Variants in NBAS observed in about 807,000 individuals in gnomAD.
NBAS encodes NAG/BC035112 fusion.
A neutral mutation model predicts 302.5 loss-of-function variants in NBAS; 219 were observed. The observed-to-expected ratio is 0.72, with a 90% confidence interval of 0.65 to 0.81. The LOEUF (loss-of-function observed/expected upper bound fraction) is 0.81, where lower values mean the gene tolerates loss of function less well. Among genes scored for constraint, NBAS ranks in the 30% least tolerant of loss-of-function variants. NBAS has a pLI of 0.00. For missense variants in NBAS, 2,932 were observed against 2,841.6 expected (o/e 1.03, Z -0.72); for synonymous variants, 1,118 against 1,021.6 (o/e 1.09, Z -1.80).
At position 15,478,248 on chromosome 2, in the gene NBAS, A is replaced by G. The variant is rs1368890356; in HGVS notation, c.1125T>C (p.Thr375=). 5 of 1,610,634 alleles carry G rather than the reference A, an allele frequency of 3.1e-6. No individual in the cohort carries two copies. Among genetic ancestry groups the G allele is most frequent in the Non-Finnish European group, 4.2e-6 (5 of 1,177,160 alleles). ...CACCTTTGATTTTTTTTCTCTTCTCAGTAGAGAGCCTCCAATCAGGATTAA... is the reference window on the plus strand; with the variant it reads ...CACCTTTGATTTTTTTTCTCTTCTCGGTAGAGAGCCTCCAATCAGGATTAA... The part of the protein sequence containing the change: ...DDLNPDWRLS[T]EKRKKIKDKE... The change falls in exon 13 of 52, where the codon ACT becomes ACC. Residue 375 remains threonine (T), a synonymous_variant. Coordinates refer to ENST00000281513, the MANE Select transcript of NBAS (RefSeq NM_015909.4).
At chr2:15,202,690 T>C (rs920861873) in intron 48 of NBAS, among the ~76,000 whole-genome samples, 1 of 152,068 alleles carries the variant, frequency 6.6e-6, no homozygotes, top group Admixed American at 6.6e-5. Flanking sequence ...CAGGCACCTG[T>C]TACCACGCTG....
At chr2:14,799,290 C>T in the NBAS span, among the ~76,000 whole-genome samples, 1 of 151,976 alleles carries the variant, frequency 6.6e-6, no homozygotes, top group South Asian at 2.1e-4. Flanking sequence ...ACTTTGTTTT[C>T]CCTTTTGATT....
At chr2:15,060,481 G>A in the NBAS span, among the ~76,000 whole-genome samples, 4 of 152,124 alleles carry the variant, frequency 2.6e-5, no homozygotes, top group Non-Finnish European at 5.9e-5. Context: ...GGCATGCTGA[G>A]CCCCTGTTTA....
chr2:15,416,155 CAAAG>C (rs1676924070), intron 24 of NBAS, among the ~76,000 whole-genome samples: 1 of 151,864 alleles, frequency 6.6e-6, no homozygotes, highest in South Asian at 2.1e-4. Flanking sequence ...CTTAGACCAA[CAAAG>C]AGTGAATAAA....
At chr2:15,439,705 T>C (rs149204367) in intron 21 of NBAS, among the ~76,000 whole-genome samples, 3 of 152,140 alleles carry the variant, frequency 2.0e-5, no homozygotes, top group East Asian at 1.9e-4. Context: ...GGGCGAGGCA[T>C]TGCCTCACTC....
At chr2:15,357,467 C>G (rs1369175781) in intron 32 of NBAS, among the ~76,000 whole-genome samples, 2 of 152,166 alleles carry the variant, frequency 1.3e-5, no homozygotes, top group Non-Finnish European at 2.9e-5. Context: ...ATTTCTCTCT[C>G]TTACTGCAAA....
the NBAS span, among the ~76,000 whole-genome samples, chr2:14,819,344 T>G: frequency 3.2e-4 from 48 of 152,338 alleles, no homozygotes; most frequent in South Asian, 9.7e-3. Flanking sequence ...GTGTTACAGC[T>G]GGCATAGCTG....
At chr2:15,515,552 C>CA (rs1184109048) in intron 9 of NBAS, among the ~76,000 whole-genome samples, 3 of 152,154 alleles carry the variant, frequency 2.0e-5, no homozygotes, top group Non-Finnish European at 4.4e-5. Flanking sequence ...CAAGGGGTAT[C>CA]AACCCCAATT....
the NBAS span, among the ~76,000 whole-genome samples, chr2:14,861,335 G>A: frequency 2.0e-3 from 301 of 152,292 alleles, 2 homozygotes; most frequent in African/African-American, 6.8e-3. Flanking sequence ...TTCAGGGAAG[G>A]GTAGTGCATT....
intron 20 of NBAS, 40 bp downstream of exon 20, chr2:15,461,647 T>C: frequency 8.5e-7 from 1 of 1,183,278 alleles, no homozygotes; most frequent in Non-Finnish European, 1.3e-6. Flanking sequence ...TTAGAGAGTG[T>C]TAATAACCAT....
intron 11 of NBAS, among the ~76,000 whole-genome samples, chr2:15,492,927 T>C (rs1017963529): frequency 6.6e-6 from 1 of 152,192 alleles, no homozygotes; most frequent in Non-Finnish European, 1.5e-5. Context: ...TGAGTGTCTG[T>C]TGGTGAGTAA....
At chr2:14,920,529 TTAGA>T in the NBAS span, among the ~76,000 whole-genome samples, 2 of 152,194 alleles carry the variant, frequency 1.3e-5, no homozygotes, top group Non-Finnish European at 2.9e-5. Context: ...TAGGAAAGTC[TTAGA>T]TAGTATCATT....
chr2:15,477,505 C>A (rs1680243130), intron 13 of NBAS, among the ~76,000 whole-genome samples: 1 of 152,210 alleles, frequency 6.6e-6, no homozygotes, highest in Non-Finnish European at 1.5e-5. Context: ...GGGTGATCCA[C>A]CTGCCTTGGC....
rs538947378 is a variant in NBAS at position 15,458,105 on chromosome 2, T to C, written c.2339+3096A>G. ...CTGGGATCTGAACATAAGGAAGAGA[T>C]GGTCTCTGTCTTTAAGAGTTACTCG... On this transcript the variant is annotated intron_variant, in intron 21 of 51. Transcript: ENST00000281513. 4.6e-5 allele frequency among the ~76,000 whole-genome samples: 7 copies of C among 152,292 alleles called. No individual in the cohort carries two copies. In the East Asian group the frequency reaches 1.2e-3, roughly 25 times the overall value.
chr2:15,088,460 A>T, the NBAS span, among the ~76,000 whole-genome samples: 3 of 152,192 alleles, frequency 2.0e-5, no homozygotes, highest in African/African-American at 7.2e-5. Context: ...GTGGAGAAAA[A>T]GGAGACAAAT....
intron 1 of NBAS, 83 bp downstream of exon 1, chr2:15,561,105 C>T (rs1210437392): frequency 4.8e-6 from 5 of 1,041,208 alleles, no homozygotes; most frequent in Non-Finnish European, 7.1e-6. Context: ...CGTCTCCACT[C>T]CCCTACGTGG....
the NBAS span, among the ~76,000 whole-genome samples, chr2:15,078,870 T>C: frequency 6.6e-6 from 1 of 152,170 alleles, no homozygotes; most frequent in Non-Finnish European, 1.5e-5. Flanking sequence ...AAAGACAATA[T>C]ACAATTTTAT....
the NBAS span, among the ~76,000 whole-genome samples, chr2:15,109,185 T>C: frequency 6.6e-6 from 1 of 152,192 alleles, no homozygotes; most frequent in Admixed American, 6.5e-5. Context: ...CCCCGCTGTA[T>C]ATTATAGTCT....
chr2:15,195,766 G>A (rs1393248198), intron 48 of NBAS, among the ~76,000 whole-genome samples: 2 of 152,178 alleles, frequency 1.3e-5, no homozygotes, highest in Non-Finnish European at 1.5e-5. Flanking sequence ...GCTCAAGCAT[G>A]TACACTAAGA....
Sources: allele counts gnomAD v4.1 joint callset (sites outside exome capture counted in the v4.1 genomes callset), GRCh38; gene constraint gnomAD v4.1.1; transcripts MANE v1.5; gene names NCBI Gene and HGNC (gene_info 2026-07-23, HGNC 2026-07-21).